The following TAF15 variants were observed in gnomAD, a reference collection of about 807,000 sequenced individuals.
TAF15 encodes TATA-binding protein-associated factor 2N.
A neutral mutation model predicts 102.5 loss-of-function variants in TAF15; 37 were observed. The ratio of observed to expected loss-of-function variants is 0.36; its 90% CI spans 0.28 to 0.47. TAF15 has a LOEUF of 0.47. Ranked by LOEUF, TAF15 falls within the 20% of genes least tolerant of loss-of-function variation. TAF15 has a pLI of 0.99. For missense variants in TAF15, 652 were observed against 760.7 expected, an observed-to-expected ratio of 0.86 and a Z score of 1.68; for synonymous variants, 273 against 259.2, an observed-to-expected ratio of 1.05 and a Z score of -0.51.
At chr17:35,842,153 T>C (rs2087555893) in intron 11 of TAF15, among the ~76,000 whole-genome samples, 1 of 152,026 alleles carries the variant, frequency 6.6e-6, no homozygotes, top group African/African-American at 2.4e-5. Context: ...TTTTTTAAGC[T>C]TAGTAAGAAG....
intron 12 of TAF15, 92 bp downstream of exon 12, chr17:35,842,551 C>G (rs573162937): frequency 1.0e-6 from 1 of 990,490 alleles, no homozygotes. Flanking sequence ...CTTGCTACTG[C>G]TTTTTCTCTC....
chr17:35,835,260 TTAAG>T (rs2087460230), intron 9 of TAF15, among the ~76,000 whole-genome samples: 1 of 152,214 alleles, frequency 6.6e-6, no homozygotes. Flanking sequence ...GAAAAACTAT[TTAAG>T]AAAGAAAATC....
In TAF15 at chr17:35,844,994, C is replaced by T; in HGVS notation, c.1695C>T (p.Gly565=). The change falls in exon 15 of 16, where the codon GGC becomes GGT. Residue 565 remains glycine (G), a synonymous_variant. Transcript: ENST00000605844. The part of the protein sequence containing the change: ...GGGYGGDRGG[G]YGGDRGGYGG... The stretch of plus-strand genomic sequence containing the variant: ...GCTATGGAGGAGACCGAGGTGGGGG[C>T]TACGGAGGAGACCGAGGTGGCTATG... The T allele has an allele frequency of 1.2e-6, 2 of 1,612,312 alleles. No homozygotes were observed. Among genetic ancestry groups the T allele is most frequent in the Non-Finnish European group, 1.7e-6 (2 of 1,178,740 alleles).
intron 12 of TAF15, 102 bp downstream of exon 12, chr17:35,842,561 C>T (rs910478799): frequency 1.2e-5 from 11 of 901,820 alleles, no homozygotes; most frequent in African/African-American, 1.6e-5. Context: ...CTTTTTCTCT[C>T]GCTAGGTCTT....
At chr17:35,835,026 G>C (rs562377135) in intron 9 of TAF15, among the ~76,000 whole-genome samples, 14 of 152,194 alleles carry the variant, frequency 9.2e-5, no homozygotes, top group African/African-American at 3.4e-4. Context: ...ATACAGGTGT[G>C]AGCCACCACG....
intron 9 of TAF15, among the ~76,000 whole-genome samples, chr17:35,835,244 G>A (rs187566659): frequency 9.2e-5 from 14 of 152,304 alleles, no homozygotes; most frequent in Admixed American, 9.2e-4. Context: ...TGTGGAATTA[G>A]AAGTAGAAAA....
rs1299647618 is a variant in TAF15, at chr17:35,812,618, T to G, written c.7+3042T>G. Reference sequence around the variant, plus strand: ...AAAAAAAAAAAAAACCTGAAAAACATTTTCTGGAGGAAATTTCATGGTTTA... The same window carrying G: ...AAAAAAAAAAAAAACCTGAAAAACAGTTTCTGGAGGAAATTTCATGGTTTA... On this transcript the variant is annotated intron_variant, in intron 1 of 15. Transcript: ENST00000605844. 2.1e-5 allele frequency among the ~76,000 whole-genome samples: 3 copies of G among 145,176 alleles called. No homozygotes were observed. The East Asian group carries it at 5.9e-4, about 29-fold the overall frequency.
chr17:35,838,725 G>A (rs143931938), intron 11 of TAF15, among the ~76,000 whole-genome samples, 172 bp downstream of exon 11: 54 of 152,316 alleles, frequency 3.5e-4, no homozygotes, highest in Non-Finnish European at 7.1e-4. Flanking sequence ...CTCTATCGTT[G>A]TTGGTCTAGC....
chr17:35,846,434 T>G (rs1025588382), intron 15 of TAF15, among the ~76,000 whole-genome samples: 5 of 152,246 alleles, frequency 3.3e-5, no homozygotes, highest in Admixed American at 6.5e-5. Flanking sequence ...GCCAATACTG[T>G]AAAGTGTTCT....
intron 7 of TAF15, among the ~76,000 whole-genome samples, chr17:35,825,014 A>T (rs2087308698): frequency 6.6e-6 from 1 of 152,314 alleles, no homozygotes; most frequent in Non-Finnish European, 1.5e-5. Context: ...CTAAAAGGTA[A>T]TTTATGTTCC....
intron 2 of TAF15, among the ~76,000 whole-genome samples, chr17:35,818,905 C>G (rs1598521829): frequency 6.6e-6 from 1 of 151,688 alleles, no homozygotes; most frequent in East Asian, 1.9e-4. Flanking sequence ...TGTGTTTTTT[C>G]AGAGCACATT....
chr17:35,825,838 G>A (rs945249939), intron 7 of TAF15, among the ~76,000 whole-genome samples: 2 of 151,954 alleles, frequency 1.3e-5, no homozygotes, highest in African/African-American at 4.8e-5. Flanking sequence ...GTCGTAGTCC[G>A]AACTACTCAG....
At chr17:35,825,568 C>A (rs976351700) in intron 7 of TAF15, among the ~76,000 whole-genome samples, 3 of 152,206 alleles carry the variant, frequency 2.0e-5, no homozygotes, top group African/African-American at 7.2e-5. Flanking sequence ...AAGGAAATTA[C>A]AGTTACATCC....
intron 12 of TAF15, 46 bp downstream of exon 12, chr17:35,842,505 A>G (rs375588543): frequency 6.9e-7 from 1 of 1,444,126 alleles, no homozygotes; most frequent in Non-Finnish European, 9.7e-7. Flanking sequence ...CCAAGGGTTT[A>G]AGTTTGAGTT....
rs138490702 is a variant in TAF15 at position 35,815,681 on chromosome 17, A to G, written c.8-2035A>G. Among the ~76,000 whole-genome samples, 13 of 152,330 alleles carry G rather than the reference A, an allele frequency of 8.5e-5. No homozygotes were observed. The East Asian group carries it at 2.3e-3, about 27-fold the overall frequency. On this transcript the variant is annotated intron_variant, in intron 1 of 15. Transcript: ENST00000605844. Reference sequence around the variant, plus strand: ...GTTTAACCTAAAGCTTCATGCATCCACAAATACCTTGTTTTACTCATTGTT... The same window carrying G: ...GTTTAACCTAAAGCTTCATGCATCCGCAAATACCTTGTTTTACTCATTGTT...
intron 6 of TAF15, chr17:35,823,733 G>C (rs4251751): frequency 0.089 from 24,831 of 280,258 alleles, 1,641 homozygotes; most frequent in East Asian, 0.19. Flanking sequence ...AAAAAAGATT[G>C]GGGTCGTGCT....
chr17:35,818,513 TAAAG>T (rs2087221380), intron 2 of TAF15: 1 of 152,154 alleles, frequency 6.6e-6, no homozygotes, highest in Non-Finnish European at 1.5e-5. Flanking sequence ...AAACAATTAT[TAAAG>T]AAATTTAATG....
At chr17:35,812,395 G>A (rs1209583979) in intron 1 of TAF15, among the ~76,000 whole-genome samples, 2 of 151,792 alleles carry the variant, frequency 1.3e-5, no homozygotes, top group African/African-American at 4.8e-5. Flanking sequence ...TCGAGAGTTC[G>A]AGACCAGCTT....
At chr17:35,810,272 A>G (rs1474605116) in intron 1 of TAF15, 3 of 156,090 alleles carry the variant, frequency 1.9e-5, no homozygotes, top group Non-Finnish European at 4.3e-5. Context: ...TCTATCTATT[A>G]TTGATAAGCT....
Sources: allele counts gnomAD v4.1 joint callset (sites outside exome capture counted in the v4.1 genomes callset), GRCh38; gene constraint gnomAD v4.1.1; transcripts MANE v1.5; gene names NCBI Gene and HGNC (gene_info 2026-07-23, HGNC 2026-07-21).